Variants in ARF3 observed in about 807,000 individuals in gnomAD.
ARF3 encodes the protein ARF GTPase 3.
In ARF3, 5 loss-of-function variants were observed where a neutral mutation model predicts 19.3. That is an observed-to-expected ratio of 0.26 (90% CI 0.14 to 0.54). The LOEUF (loss-of-function observed/expected upper bound fraction) is 0.54. Among genes scored for constraint, ARF3 ranks in the 20% least tolerant of loss-of-function variants. ARF3 has a pLI of 0.95. For synonymous variants in ARF3, 71 were observed against 89.2 expected (o/e 0.80, Z 1.15); for missense variants, 77 against 234.2 (o/e 0.33, Z 4.38).
intron 1 of ARF3, among the ~76,000 whole-genome samples, chr12:48,951,523 A>G (rs1232666713): frequency 6.6e-6 from 1 of 151,746 alleles, no homozygotes; most frequent in Non-Finnish European, 1.5e-5. Context: ...AGATTGCACC[A>G]TTGCACTCCA....
In ARF3 at chr12:48,938,623, C is replaced by A. The variant is rs775856744; in HGVS notation, c.*324G>T. On this transcript the variant is annotated 3_prime_UTR_variant, in exon 5 of 5. Transcript: ENST00000256682. The stretch of plus-strand genomic sequence containing the variant: ...GATGCCAAGAGGACAGCAACCACTG[C>A]CAAACAAAGAGAATACCCCACTCGA... 11 of 445,284 alleles carry A rather than the reference C, an allele frequency of 2.5e-5. No homozygotes were observed. The highest frequency in any genetic ancestry group is 6.5e-5 in the South Asian group (4 of 61,230). The allele number at this position is 445,284 out of a possible 1,614,324, so 27.6% of individuals were successfully genotyped here. A position where few individuals can be genotyped will look rare whatever the true frequency, so the allele number is the denominator to read the frequency against.
intron 1 of ARF3, chr12:48,957,030 A>G (rs1940582731): frequency 6.6e-6 from 1 of 152,448 alleles, no homozygotes; most frequent in African/African-American, 2.4e-5. Flanking sequence ...CACCTCCTGC[A>G]GGCGACAACC....
intron 1 of ARF3, among the ~76,000 whole-genome samples, chr12:48,948,042 CAAA>C (rs768612497): frequency 2.7e-5 from 2 of 73,190 alleles, no homozygotes; most frequent in African/African-American, 5.5e-5. Flanking sequence ...CCCATCGCTA[CAAA>C]AAAAAAAAAA....
intron 2 of ARF3, 43 bp from the exon 3 acceptor site, chr12:48,940,150 T>G: frequency 6.6e-7 from 1 of 1,514,398 alleles, no homozygotes; most frequent in Non-Finnish European, 9.2e-7. Context: ...CCTCAAACAC[T>G]AGCCCCGCAA....
Position 48,937,892 on chromosome 12 carries a change from G to A in ARF3, c.*1055C>T, listed in dbSNP as rs1294101339. On this transcript the variant is annotated 3_prime_UTR_variant, in exon 5 of 5. Transcript: ENST00000256682. Reference sequence around the variant, plus strand: ...GGTGGGGCACTGGAAGGCAGGAATGGGATTGGCCCATGCCTCACCTTCTCC... The same window carrying A: ...GGTGGGGCACTGGAAGGCAGGAATGAGATTGGCCCATGCCTCACCTTCTCC... The A allele has an allele frequency of 6.3e-6, 1 of 157,542 alleles. No homozygotes were observed. Among genetic ancestry groups the A allele is most frequent in the Non-Finnish European group, 1.4e-5 (1 of 71,188 alleles). 9.8% of individuals were successfully genotyped at this position (157,542 alleles called of 1,614,324 possible). A position where few individuals can be genotyped will look rare whatever the true frequency, so the allele number is the denominator to read the frequency against.
chr12:48,947,564 C>T (rs559499926), intron 1 of ARF3, among the ~76,000 whole-genome samples: 45 of 152,270 alleles, frequency 3.0e-4, no homozygotes, highest in African/African-American at 9.1e-4. Context: ...CCTCTGCCCC[C>T]CAAAGTGCTG....
chr12:48,950,950 G>A (rs1362993944), intron 1 of ARF3, among the ~76,000 whole-genome samples: 2 of 151,940 alleles, frequency 1.3e-5, no homozygotes, highest in African/African-American at 4.8e-5. Flanking sequence ...ACCACGCCCG[G>A]CTAATTTTTT....
intron 1 of ARF3, among the ~76,000 whole-genome samples, chr12:48,954,988 C>G (rs1940535243): frequency 6.6e-6 from 1 of 152,234 alleles, no homozygotes. Context: ...GCCCTCCAGC[C>G]TGGGTGGATA....
rs1940223923 is a variant in ARF3, at chr12:48,939,994, T to TAC, written c.259+1_259+2dup. On this transcript the variant is annotated splice_region_variant and intron_variant, in intron 3 of 4. Transcript: ENST00000256682. This position sits in a 1 kb window ranked among gnomAD's most constrained non-coding sequence, Gnocchi z 4.8. ...AACCAACCCACGCTAGGCCTGAGCA[T>TAC]ACCTTGGGTGTTCTGGAAGTAGTGT... is the stretch of plus-strand genomic sequence containing the variant. 6.2e-7 allele frequency: 1 copy of TAC among 1,613,664 alleles called. No homozygotes were observed. Among genetic ancestry groups the TAC allele is most frequent in the Admixed American group, 1.7e-5 (1 of 60,000 alleles).
At chr12:48,944,007 G>A (rs997764227) in intron 1 of ARF3, among the ~76,000 whole-genome samples, 1 of 152,212 alleles carries the variant, frequency 6.6e-6, no homozygotes, top group African/African-American at 2.4e-5. Flanking sequence ...TTGGCAATTT[G>A]TAGTAGTGAC....
At chr12:48,947,770 C>A (rs1940384860) in intron 1 of ARF3, among the ~76,000 whole-genome samples, 1 of 152,096 alleles carries the variant, frequency 6.6e-6, no homozygotes, top group South Asian at 2.1e-4. Context: ...GAACAGAAAG[C>A]TGGAGCAGTA....
chr12:48,938,174 G>A lies in ARF3; in HGVS notation c.*773C>T, dbSNP rs1940182145. 1 of 346,524 alleles carries A rather than the reference G, an allele frequency of 2.9e-6. No individual in the cohort carries two copies. Among genetic ancestry groups the A allele is most frequent in the Admixed American group, 3.8e-5 (1 of 26,486 alleles). 21.5% of individuals were successfully genotyped at this position (346,524 alleles called of 1,614,324 possible). Reference sequence around the variant, plus strand: ...TGGGAACAGTCATCTAGAGATAAATGCCATCCTCCAGCCCTAAGAAGGGTG... The same window carrying A: ...TGGGAACAGTCATCTAGAGATAAATACCATCCTCCAGCCCTAAGAAGGGTG... On this transcript the variant is annotated 3_prime_UTR_variant, in exon 5 of 5. Transcript: ENST00000256682.
chr12:48,953,504 G>A (rs1020667540), intron 1 of ARF3, among the ~76,000 whole-genome samples: 6 of 151,990 alleles, frequency 3.9e-5, no homozygotes, highest in Admixed American at 2.0e-4. Context: ...AAGCATTCAC[G>A]CTTGACACTC....
At chr12:48,950,071 C>T (rs780185875) in intron 1 of ARF3, among the ~76,000 whole-genome samples, 66 of 152,144 alleles carry the variant, frequency 4.3e-4, no homozygotes, top group Non-Finnish European at 7.8e-4. Context: ...AGATGGGGTC[C>T]CACTATGTTG....
At chr12:48,952,001 T>C (rs939051823) in intron 1 of ARF3, among the ~76,000 whole-genome samples, 5 of 152,114 alleles carry the variant, frequency 3.3e-5, no homozygotes, top group African/African-American at 1.2e-4. Context: ...CAAGACATCA[T>C]AGACACCAAT....
chr12:48,950,180 G>T (rs1940439829), intron 1 of ARF3, among the ~76,000 whole-genome samples: 2 of 152,136 alleles, frequency 1.3e-5, no homozygotes, highest in Non-Finnish European at 2.9e-5. Context: ...GGGACTATAG[G>T]CATGCACCAC....
chr12:48,950,949 G>A (rs777096453), intron 1 of ARF3, among the ~76,000 whole-genome samples: 2 of 151,980 alleles, frequency 1.3e-5, no homozygotes, highest in Admixed American at 6.6e-5. Flanking sequence ...CACCACGCCC[G>A]GCTAATTTTT....
chr12:48,941,879 A>AC (rs1332521471), intron 1 of ARF3, among the ~76,000 whole-genome samples: 1 of 152,114 alleles, frequency 6.6e-6, no homozygotes, highest in East Asian at 1.9e-4. Context: ...TGGCGGGGCT[A>AC]CCCCTTTACT....
chr12:48,939,523 A>C lies in ARF3; in HGVS notation c.384+132T>G. The C allele has an allele frequency of 7.9e-7, 1 of 1,265,378 alleles. No individual in the cohort carries two copies. The highest frequency in any genetic ancestry group is 2.0e-4 in the Middle Eastern group (1 of 4,902). 78.4% of individuals were successfully genotyped at this position (1,265,378 alleles called of 1,614,324 possible). A position where few individuals can be genotyped will look rare whatever the true frequency, so the allele number is the denominator to read the frequency against. ...ACAAGAAGAGGGGCATAAAGAAGCC[A>C]AGTGCTCAGTTTCCCACGCTTCTAA... On this transcript the variant is annotated intron_variant, in intron 4 of 4. Transcript: ENST00000256682. The surrounding 1 kb of genome is among the most constrained non-coding windows in gnomAD (Gnocchi z 4.8).
Sources: gnomAD v4.1 joint callset for allele counts (sites outside exome capture counted in the v4.1 genomes callset) on GRCh38, gnomAD v4.1.1 for gene constraint, Gnocchi (gnomAD v3.1) non-coding constraint, MANE v1.5 for transcripts, NCBI Gene and HGNC (gene_info 2026-07-23, HGNC 2026-07-21) for gene names.